Variants in POLR3B observed in about 807,000 individuals in gnomAD.
POLR3B encodes RNA polymerase III subunit B.
A neutral mutation model predicts 147.4 loss-of-function variants in POLR3B; 96 were observed. The ratio of observed to expected loss-of-function variants is 0.65; its 90% CI spans 0.55 to 0.77. The LOEUF (loss-of-function observed/expected upper bound fraction) is 0.77. Among genes scored for constraint, POLR3B ranks in the 30% least tolerant of loss-of-function variants. The pLI, the probability that POLR3B is intolerant of heterozygous loss-of-function variation, is 0.00. For synonymous variants in POLR3B, 461 were observed against 485.9 expected (o/e 0.95, Z 0.67); for missense variants, 1,036 against 1,413.5 (o/e 0.73, Z 4.28).
intron 11 of POLR3B, among the ~76,000 whole-genome samples, chr12:106,409,669 G>T: frequency 7.4e-6 from 1 of 134,706 alleles, no homozygotes; most frequent in Non-Finnish European, 1.6e-5. Context: ...GAGAATGCTT[G>T]CTTGTTTTTT....
intron 23 of POLR3B, among the ~76,000 whole-genome samples, chr12:106,494,664 G>A (rs968350973): frequency 7.2e-5 from 11 of 152,106 alleles, no homozygotes; most frequent in African/African-American, 2.7e-4. Flanking sequence ...AGGGAAGAAA[G>A]AAGGCTCACA....
chr12:106,480,948 A>G (rs2038258866), intron 23 of POLR3B, among the ~76,000 whole-genome samples: 1 of 152,196 alleles, frequency 6.6e-6, no homozygotes, highest in African/African-American at 2.4e-5. Context: ...AAGTTTAGGC[A>G]GAGTGGTTGG....
intron 10 of POLR3B, 97 bp downstream of exon 10, chr12:106,393,250 T>C (rs988856211): frequency 3.4e-5 from 53 of 1,538,108 alleles, no homozygotes; most frequent in Non-Finnish European, 4.6e-5. Context: ...TTTGGGCTCA[T>C]AGATTTGGGA....
At chr12:106,457,434 T>C (rs2037879282) in intron 21 of POLR3B, 138 bp downstream of exon 21, 1 of 682,786 alleles carries the variant, frequency 1.5e-6, no homozygotes. Flanking sequence ...ACCAATGAGG[T>C]CATTTTTGAT....
At chr12:106,390,746 T>G (rs1279191115) in intron 9 of POLR3B, among the ~76,000 whole-genome samples, 1 of 151,528 alleles carries the variant, frequency 6.6e-6, no homozygotes, top group Non-Finnish European at 1.5e-5. Context: ...TAAATTCAGA[T>G]AGTGAATTTA....
intron 26 of POLR3B, among the ~76,000 whole-genome samples, chr12:106,502,553 C>A (rs1018484922): frequency 2.0e-5 from 3 of 152,162 alleles, no homozygotes; most frequent in Admixed American, 6.5e-5. Flanking sequence ...TTTCACTGAG[C>A]ACTGCCTGGA....
chr12:106,462,479 A>G (rs1368173751), intron 22 of POLR3B, among the ~76,000 whole-genome samples: 1 of 152,092 alleles, frequency 6.6e-6, no homozygotes, highest in Non-Finnish European at 1.5e-5. Context: ...TGACCTCATG[A>G]TCCGCCTGCC....
chr12:106,367,470 C>T lies in POLR3B; in HGVS notation c.227+748C>T, dbSNP rs555554082. 4.6e-5 allele frequency among the ~76,000 whole-genome samples: 7 copies of T among 152,288 alleles called. No homozygotes were observed. The South Asian group carries it at 6.2e-4, about 14-fold the overall frequency. ...TGGTGTAGGAATCAATCCAGAGCTC[C>T]GTGTTATGTTTAGTTGTCTTGTATC... On this transcript the variant is annotated intron_variant, in intron 4 of 27. Transcript: ENST00000228347.
chr12:106,386,107 A>T (rs2036833094), intron 9 of POLR3B, among the ~76,000 whole-genome samples: 1 of 152,150 alleles, frequency 6.6e-6, no homozygotes, highest in African/African-American at 2.4e-5. Flanking sequence ...TCGCTTTGGG[A>T]GGCCAAGGTG....
intron 27 of POLR3B, among the ~76,000 whole-genome samples, chr12:106,507,159 G>A (rs2038701028): frequency 6.6e-6 from 1 of 152,148 alleles, no homozygotes; most frequent in African/African-American, 2.4e-5. Flanking sequence ...AGCTCATAGA[G>A]GATGTTTCAC....
chr12:106,464,491 A>G lies in POLR3B; in HGVS notation c.2713+871A>G, dbSNP rs181030166. 1.1e-3 allele frequency among the ~76,000 whole-genome samples: 160 copies of G among 152,210 alleles called. 4 individuals are homozygous for G. The East Asian group carries it at 0.017, about 17-fold the overall frequency. The stretch of plus-strand genomic sequence containing the variant: ...TTAATAGCTTGCCCAAGGTCACACA[A>G]TTAATGGGAGAACTGACATTTGAAC... On this transcript the variant is annotated intron_variant, in intron 23 of 27. Coordinates refer to ENST00000228347, the MANE Select transcript of POLR3B (RefSeq NM_018082.6).
rs2036678107 is a variant in POLR3B, at chr12:106,376,338, CTTTTG to C, written c.405-16_405-12del. ...ATTGACAGCCTACATGTGATATTTT[CTTTTG>C]TTTTATTTTATACAGAATGCCCATA... On this transcript the variant is annotated splice_polypyrimidine_tract_variant and intron_variant, in intron 6 of 27. Coordinates refer to ENST00000228347, the MANE Select transcript of POLR3B (RefSeq NM_018082.6). 1.3e-6 allele frequency: 2 copies of C among 1,551,268 alleles called. No individual in the cohort carries two copies. The highest frequency in any genetic ancestry group is 1.4e-5 in the African/African-American group (1 of 73,706).
At chr12:106,402,529 C>G (rs1236844472) in intron 10 of POLR3B, among the ~76,000 whole-genome samples, 3 of 152,152 alleles carry the variant, frequency 2.0e-5, no homozygotes, top group Admixed American at 6.5e-5. Flanking sequence ...AAGAACAAAG[C>G]TGGAGGCATC....
At chr12:106,363,220 C>A (rs2036491657) in intron 1 of POLR3B, among the ~76,000 whole-genome samples, 1 of 152,214 alleles carries the variant, frequency 6.6e-6, no homozygotes, top group Admixed American at 6.5e-5. Context: ...TATCTCCAGG[C>A]CACTCCATTC....
intron 25 of POLR3B, chr12:106,500,321 C>T (rs930727939): frequency 5.4e-6 from 2 of 369,106 alleles, no homozygotes; most frequent in African/African-American, 4.3e-5. Flanking sequence ...TAAACTCTTA[C>T]TACAGACTTT....
chr12:106,400,813 C>T (rs1445630676), intron 10 of POLR3B, among the ~76,000 whole-genome samples: 3 of 152,190 alleles, frequency 2.0e-5, no homozygotes, highest in Non-Finnish European at 4.4e-5. Flanking sequence ...ATCTCTGGGA[C>T]ACATTCAAAG....
intron 8 of POLR3B, 119 bp from the exon 9 acceptor site, chr12:106,379,912 A>G (rs984117126): frequency 1.4e-6 from 1 of 706,714 alleles, no homozygotes; most frequent in Non-Finnish European, 2.6e-6. Flanking sequence ...ATTAGAAAGG[A>G]CCTTGTGATT....
intron 12 of POLR3B, among the ~76,000 whole-genome samples, chr12:106,411,889 G>A (rs770621778): frequency 1.3e-5 from 2 of 152,102 alleles, no homozygotes; most frequent in Non-Finnish European, 2.9e-5. Flanking sequence ...TTTAGATATT[G>A]TATTTTTCTG....
chr12:106,417,222 C>G (rs567429672), intron 12 of POLR3B, among the ~76,000 whole-genome samples: 3 of 152,312 alleles, frequency 2.0e-5, no homozygotes, highest in African/African-American at 7.2e-5. Context: ...TGCAGCCTTG[C>G]AAACTGCATT....
Sources: gnomAD v4.1 joint callset for allele counts (sites outside exome capture counted in the v4.1 genomes callset) on GRCh38, gnomAD v4.1.1 for gene constraint, MANE v1.5 for transcripts, NCBI Gene and HGNC (gene_info 2026-07-23, HGNC 2026-07-21) for gene names.